Variants in NTM observed in about 807,000 individuals in gnomAD.
NTM encodes IgLON family member 2.
A neutral mutation model predicts 42.1 loss-of-function variants in NTM; 13 were observed. The ratio of observed to expected loss-of-function variants is 0.31; its 90% CI spans 0.20 to 0.49. NTM has a LOEUF of 0.49. Among genes scored for constraint, NTM ranks in the 20% least tolerant of loss-of-function variants. The pLI, the probability that NTM is intolerant of heterozygous loss-of-function variation, is 0.99. For missense variants in NTM, 373 were observed against 452.8 expected, an observed-to-expected ratio of 0.82 and a Z score of 1.60; for synonymous variants, 187 against 179.2, an observed-to-expected ratio of 1.04 and a Z score of -0.35.
chr11:131,501,995 G>A (rs2046893464), intron 1 of NTM, among the ~76,000 whole-genome samples: 1 of 152,166 alleles, frequency 6.6e-6, no homozygotes, highest in African/African-American at 2.4e-5. Context: ...TCACAGAGGT[G>A]ACTGGGTCTA....
chr11:131,997,233 C>A (rs1409060402), intron 2 of NTM, among the ~76,000 whole-genome samples: 1 of 152,196 alleles, frequency 6.6e-6, no homozygotes, highest in Non-Finnish European at 1.5e-5. Context: ...GAAACTCATG[C>A]CCCTGGCCCA....
At chr11:131,585,266 G>C (rs568836767) in intron 1 of NTM, among the ~76,000 whole-genome samples, 15 of 152,204 alleles carry the variant, frequency 9.9e-5, no homozygotes, top group Non-Finnish European at 1.9e-4. Context: ...CCATGCACAT[G>C]TAAATGTGAT....
At chr11:132,182,030 C>A (rs1287063063) in intron 3 of NTM, among the ~76,000 whole-genome samples, 1 of 150,394 alleles carries the variant, frequency 6.6e-6, no homozygotes, top group Non-Finnish European at 1.5e-5. Flanking sequence ...TGGGTAGTAG[C>A]TTAAAGGAAT....
rs1185807521 is a variant in NTM, at chr11:132,277,823, A to G, written c.527-29866A>G. Among the ~76,000 whole-genome samples the G allele has an allele frequency of 5.9e-5, 9 of 151,726 alleles. No individual in the cohort carries two copies. In the East Asian group the frequency reaches 1.7e-3, roughly 29 times the overall value. On this transcript the variant is annotated intron_variant, in intron 4 of 8. Coordinates refer to ENST00000683400, the MANE Select transcript of NTM (RefSeq NM_001352005.2). ...CTTGGTGCTATTTCTATCATGCTAA[A>G]ATATATATATATATTTAAAAATCCA... is the stretch of plus-strand genomic sequence containing the variant.
intron 2 of NTM, among the ~76,000 whole-genome samples, chr11:131,980,476 A>G (rs1215007444): frequency 1.3e-5 from 2 of 152,214 alleles, no homozygotes; most frequent in Non-Finnish European, 2.9e-5. Flanking sequence ...CTGATCTCTT[A>G]AATTCCCCAA....
chr11:131,514,689 C>T (rs777345057), intron 1 of NTM, among the ~76,000 whole-genome samples: 2 of 152,066 alleles, frequency 1.3e-5, no homozygotes, highest in African/African-American at 2.4e-5. Flanking sequence ...AGCAATCCTC[C>T]CACCTCAGCC....
chr11:131,414,938 T>C (rs2135781910), intron 1 of NTM, among the ~76,000 whole-genome samples: 1 of 152,302 alleles, frequency 6.6e-6, no homozygotes, highest in South Asian at 2.1e-4. Flanking sequence ...CCCTAAGCCC[T>C]AAGCCCCAAA....
chr11:132,331,784 G>A (rs184372884), intron 8 of NTM, among the ~76,000 whole-genome samples: 70 of 152,324 alleles, frequency 4.6e-4, no homozygotes, highest in African/African-American at 1.6e-3. Flanking sequence ...GCTGAAGGCT[G>A]GAAGAGGAGC....
chr11:132,039,701 G>A (rs531079687), intron 2 of NTM, among the ~76,000 whole-genome samples: 4 of 152,250 alleles, frequency 2.6e-5, no homozygotes, highest in Non-Finnish European at 5.9e-5. Flanking sequence ...TGAACTGGAG[G>A]AAACAGAGGC....
intron 1 of NTM, among the ~76,000 whole-genome samples, chr11:131,727,606 C>T (rs1336713786): frequency 6.6e-6 from 1 of 152,144 alleles, no homozygotes; most frequent in Non-Finnish European, 1.5e-5. Flanking sequence ...GGCAGACAGT[C>T]TATGACAACA....
intron 2 of NTM, among the ~76,000 whole-genome samples, chr11:132,128,656 T>A (rs1023902869): frequency 6.6e-6 from 1 of 151,914 alleles, no homozygotes; most frequent in Non-Finnish European, 1.5e-5. Flanking sequence ...GGCTCACACC[T>A]GTAATCCCAG....
intron 1 of NTM, among the ~76,000 whole-genome samples, chr11:131,711,758 T>G (rs1416747826): frequency 2.0e-4 from 31 of 151,586 alleles, no homozygotes; most frequent in Admixed American, 1.2e-3. Context: ...TAGACTGGAT[T>G]AAGAAAATGT....
At chr11:132,116,062 G>C (rs977376027) in intron 2 of NTM, among the ~76,000 whole-genome samples, 1 of 152,156 alleles carries the variant, frequency 6.6e-6, no homozygotes, top group Admixed American at 6.5e-5. Flanking sequence ...CTTTCTCCCA[G>C]TTCCCTGGAT....
At chr11:131,684,098 G>A (rs1231985834) in intron 1 of NTM, among the ~76,000 whole-genome samples, 1 of 152,170 alleles carries the variant, frequency 6.6e-6, no homozygotes, top group Non-Finnish European at 1.5e-5. Context: ...TAACTTCATT[G>A]CTTCATTCTG....
chr11:131,484,300 T>C (rs557114396), intron 1 of NTM, among the ~76,000 whole-genome samples: 22 of 152,272 alleles, frequency 1.4e-4, no homozygotes, highest in Admixed American at 1.4e-3. Context: ...TAAAGAAAGG[T>C]TTTTTTCAAT....
chr11:132,138,819 C>T (rs1464057694), intron 2 of NTM, among the ~76,000 whole-genome samples: 1 of 152,142 alleles, frequency 6.6e-6, no homozygotes, highest in East Asian at 1.9e-4. Context: ...GGTGCCCTCC[C>T]ACATTGGGGA....
chr11:131,596,911 G>A (rs889006297), intron 1 of NTM, among the ~76,000 whole-genome samples: 14 of 152,214 alleles, frequency 9.2e-5, no homozygotes, highest in African/African-American at 3.1e-4. Context: ...GCCAGGCCAA[G>A]CTCCAAAACT....
At chr11:131,718,912 G>A (rs552536743) in intron 1 of NTM, among the ~76,000 whole-genome samples, 1 of 152,012 alleles carries the variant, frequency 6.6e-6, no homozygotes, top group Non-Finnish European at 1.5e-5. Context: ...TCATTGCCTG[G>A]TATCAGTGTC....
chr11:131,463,207 A>G (rs1951569407), intron 1 of NTM, among the ~76,000 whole-genome samples: 1 of 152,208 alleles, frequency 6.6e-6, no homozygotes, highest in African/African-American at 2.4e-5. Flanking sequence ...AAGCAGCCGG[A>G]GATTGTAGGA....
Sources: gnomAD v4.1 joint callset for allele counts (sites outside exome capture counted in the v4.1 genomes callset) on GRCh38, gnomAD v4.1.1 for gene constraint, MANE v1.5 for transcripts, NCBI Gene and HGNC (gene_info 2026-07-23, HGNC 2026-07-21) for gene names.